NME7: variants seen among roughly 807,000 people sequenced by gnomAD.
NME7 encodes nucleoside diphosphate kinase 7.
NME7 carries 41 observed loss-of-function variants against 49.1 expected under a neutral mutation model. That is an observed-to-expected ratio of 0.83 (90% confidence interval 0.65 to 1.08). The LOEUF is 1.08. Among genes scored for constraint, NME7 ranks in the 50% least tolerant of loss-of-function variants. NME7 has a pLI of 0.00. For missense variants in NME7, 423 were observed against 463.4 expected (o/e 0.91, Z 0.80); for synonymous variants, 139 against 150.6 (o/e 0.92, Z 0.56).
intron 11 of NME7, among the ~76,000 whole-genome samples, chr1:169,167,549 T>G (rs1265590688): frequency 1.3e-5 from 2 of 152,186 alleles, no homozygotes; most frequent in African/African-American, 4.8e-5. Flanking sequence ...TATTTACAGT[T>G]TCCTTCTTGG....
intron 10 of NME7, among the ~76,000 whole-genome samples, chr1:169,210,241 C>CT (rs1420642470): frequency 6.6e-6 from 1 of 152,124 alleles, no homozygotes; most frequent in African/African-American, 2.4e-5. Context: ...CAGGGAATCT[C>CT]TGAGAGTTTT....
intron 3 of NME7, among the ~76,000 whole-genome samples, chr1:169,320,178 A>C (rs1006857652): frequency 6.6e-6 from 1 of 152,192 alleles, no homozygotes; most frequent in South Asian, 2.1e-4. Context: ...AACAATCATA[A>C]AGCACCAATT....
intron 1 of NME7, among the ~76,000 whole-genome samples, chr1:169,332,129 C>T (rs1016241422): frequency 6.6e-6 from 1 of 151,914 alleles, no homozygotes; most frequent in Non-Finnish European, 1.5e-5. Flanking sequence ...GACACATAGA[C>T]CAATGGAACA....
chr1:169,338,219 T>C (rs570491808), intron 1 of NME7, among the ~76,000 whole-genome samples: 2 of 152,354 alleles, frequency 1.3e-5, no homozygotes, highest in African/African-American at 4.8e-5. Context: ...AAAATTTCTT[T>C]TGAAAAAATA....
intron 10 of NME7, among the ~76,000 whole-genome samples, chr1:169,207,097 A>T (rs1193299950): frequency 6.6e-6 from 1 of 152,148 alleles, no homozygotes; most frequent in Non-Finnish European, 1.5e-5. Flanking sequence ...GCATGGTACC[A>T]GCATCTGCTT....
intron 7 of NME7, among the ~76,000 whole-genome samples, chr1:169,238,987 C>T (rs1460360181): frequency 6.6e-6 from 1 of 151,956 alleles, no homozygotes; most frequent in Non-Finnish European, 1.5e-5. Context: ...TATATTTGGA[C>T]ATATTTAAGT....
intron 10 of NME7, among the ~76,000 whole-genome samples, chr1:169,195,543 T>C (rs1169682895): frequency 1.3e-5 from 2 of 152,298 alleles, no homozygotes; most frequent in East Asian, 1.9e-4. Flanking sequence ...GGTTTTAAAA[T>C]TAGGTTCTTT....
intron 10 of NME7, among the ~76,000 whole-genome samples, chr1:169,224,786 T>C (rs1226641548): frequency 6.6e-6 from 1 of 152,194 alleles, no homozygotes; most frequent in African/African-American, 2.4e-5. Context: ...CTCTGCTACA[T>C]GCTAGAAATA....
At chr1:169,271,601 G>T (rs1649494289) in intron 7 of NME7, among the ~76,000 whole-genome samples, 1 of 133,118 alleles carries the variant, frequency 7.5e-6, no homozygotes, top group African/African-American at 2.5e-5. Context: ...GCTCTATCAA[G>T]GTTGTGCTTG....
intron 10 of NME7, among the ~76,000 whole-genome samples, chr1:169,195,912 C>T (rs2101770337): frequency 6.6e-6 from 1 of 152,244 alleles, no homozygotes; most frequent in South Asian, 2.1e-4. Context: ...CTAATACTTA[C>T]TTGTTACAGA....
Position 169,230,756 on chromosome 1 carries a change from T to A in NME7, c.952A>T (p.Thr318Ser). The change falls in exon 10 of 12, where the codon ACA becomes TCA. Residue 318 changes from threonine to serine, a missense_variant. Coordinates refer to ENST00000367811, the MANE Select transcript of NME7 (RefSeq NM_013330.5). Reference protein sequence around the residue: ...VAMEIQQNNATKTFREFCGPA... With the variant: ...VAMEIQQNNASKTFREFCGPA... ...CCACAAAATTCTCGAAATGTCTTTG[T>A]AGCATTATTCTGTTGAATCTCCATT... 1 of 1,606,308 alleles carries A rather than the reference T, an allele frequency of 6.2e-7. No homozygotes were observed. Among genetic ancestry groups the A allele is most frequent in the Non-Finnish European group, 8.5e-7 (1 of 1,176,714 alleles).
rs1456203264 is a variant in NME7 at position 169,355,011 on chromosome 1, TATATA to T, written c.3+12692_3+12696del. Among the ~76,000 whole-genome samples the T allele has an allele frequency of 6.7e-3, 222 of 33,224 alleles. 20 individuals are homozygous for T. The highest frequency in any genetic ancestry group is 0.016 in the African/African-American group (209 of 13,124). 21.8% of individuals were successfully genotyped at this position (33,224 alleles called of 152,430 possible). Reference sequence around the variant, plus strand: ...TATATAATATAATTATATATGTTTATATATAATATAATTATATATTATATATTATA... The same window carrying T: ...TATATAATATAATTATATATGTTTATATATAATTATATATTATATATTATA... On this transcript the variant is annotated intron_variant, in intron 1 of 11. Coordinates refer to ENST00000367811, the MANE Select transcript of NME7 (RefSeq NM_013330.5).
chr1:169,151,013 AC>A (rs1212350764), intron 11 of NME7, among the ~76,000 whole-genome samples: 7 of 152,220 alleles, frequency 4.6e-5, no homozygotes, highest in East Asian at 1.9e-4. Flanking sequence ...AACCATTTAA[AC>A]ATGTGAAAGC....
chr1:169,143,618 T>C (rs12752748), intron 11 of NME7, among the ~76,000 whole-genome samples: 50,502 of 152,034 alleles, frequency 0.33, 8,951 homozygotes, highest in Non-Finnish European at 0.4. Flanking sequence ...TGTGTCTGAA[T>C]AGGAGCTCTT....
At chr1:169,213,758 T>C (rs1660895552) in intron 10 of NME7, among the ~76,000 whole-genome samples, 3 of 151,994 alleles carry the variant, frequency 2.0e-5, no homozygotes, top group East Asian at 1.9e-4. Flanking sequence ...CCCATCCTGG[T>C]CAGACAGCAG....
chr1:169,303,309 T>C, intron 4 of NME7, 114 bp from the exon 5 acceptor site: 1 of 438,076 alleles, frequency 2.3e-6, no homozygotes, highest in Non-Finnish European at 3.9e-6. Context: ...TAATTTATAT[T>C]TTAATTAATA....
intron 7 of NME7, among the ~76,000 whole-genome samples, chr1:169,244,030 A>ATAAT (rs903316065): frequency 6.4e-4 from 98 of 152,210 alleles, no homozygotes; most frequent in African/African-American, 2.2e-3. Context: ...CCTCAATTAA[A>ATAAT]TAATTTATGT....
intron 3 of NME7, among the ~76,000 whole-genome samples, chr1:169,314,634 A>T (rs1372788261): frequency 2.6e-5 from 4 of 152,114 alleles, no homozygotes; most frequent in Non-Finnish European, 4.4e-5. Context: ...AAATTTTTTT[A>T]AAAAGATAAT....
chr1:169,240,673 C>T (rs547596934), intron 7 of NME7, among the ~76,000 whole-genome samples: 9 of 151,948 alleles, frequency 5.9e-5, no homozygotes, highest in Admixed American at 5.3e-4. Context: ...TTGGCAAATA[C>T]CAGCTCACTG....
Sources: gnomAD v4.1 joint callset for allele counts (sites outside exome capture counted in the v4.1 genomes callset) on GRCh38, gnomAD v4.1.1 for gene constraint, MANE v1.5 for transcripts, NCBI Gene and HGNC (gene_info 2026-07-23, HGNC 2026-07-21) for gene names.